RORA: variants seen among roughly 807,000 people sequenced by gnomAD.
RORA encodes the protein nuclear receptor ROR-alpha.
A neutral mutation model predicts 69.5 loss-of-function variants in RORA; 7 were observed. That is an observed-to-expected ratio of 0.10 (90% CI 0.06 to 0.19). RORA has a LOEUF of 0.19. RORA is among the 10% of genes least tolerant of loss of function. RORA has a pLI of 1.00. For missense variants in RORA, 457 were observed against 663.0 expected, an observed-to-expected ratio of 0.69 and a Z score of 3.41; for synonymous variants, 261 against 240.8, an observed-to-expected ratio of 1.08 and a Z score of -0.78.
At position 61,011,634 on chromosome 15, in the gene RORA, A is replaced by T. The variant is rs141507123; in HGVS notation, c.166+217419T>A. ...TTCCTACGCATTAAAAAAAAAAGGA[A>T]CATAAAAAGTATTAGCTATTTGACA... On this transcript the variant is annotated intron_variant, in intron 1 of 10. Coordinates refer to ENST00000335670, the MANE Select transcript of RORA (RefSeq NM_134261.3). Among the ~76,000 whole-genome samples, 7 of 152,282 alleles carry T rather than the reference A, an allele frequency of 4.6e-5. No homozygotes were observed. In the East Asian group the frequency reaches 1.4e-3, roughly 29 times the overall value.
intron 1 of RORA, among the ~76,000 whole-genome samples, chr15:61,162,420 C>A: frequency 6.6e-6 from 1 of 152,118 alleles, no homozygotes. Flanking sequence ...AAAGGCCACA[C>A]ACGAAAGCAC....
chr15:60,786,394 A>G (rs954429352), intron 1 of RORA, among the ~76,000 whole-genome samples: 2 of 152,232 alleles, frequency 1.3e-5, no homozygotes, highest in Non-Finnish European at 2.9e-5. Context: ...CACCTCCTTA[A>G]CCAACTCTAC....
At chr15:60,956,051 G>T (rs1055999932) in intron 1 of RORA, among the ~76,000 whole-genome samples, 1 of 152,134 alleles carries the variant, frequency 6.6e-6, no homozygotes, top group Admixed American at 6.5e-5. Context: ...TTCCTTTCTG[G>T]TTAGATAATT....
chr15:60,947,215 G>A (rs554820846), intron 1 of RORA, among the ~76,000 whole-genome samples: 5 of 152,196 alleles, frequency 3.3e-5, no homozygotes, highest in Non-Finnish European at 7.3e-5. Context: ...CATTGAGAAC[G>A]GGCCATGATG....
intron 1 of RORA, among the ~76,000 whole-genome samples, chr15:60,755,619 T>C (rs56336371): frequency 0.14 from 21,793 of 152,156 alleles, 1,930 homozygotes; most frequent in Middle Eastern, 0.21. Context: ...AAAGTGTTCC[T>C]ATTTCTCCAC....
At position 60,826,891 on chromosome 15, in the gene RORA, C is replaced by T. The variant is rs182719302; in HGVS notation, c.167-148205G>A. Among the ~76,000 whole-genome samples the T allele has an allele frequency of 1.6e-3, 239 of 151,986 alleles. 2 individuals are homozygous for T. Among genetic ancestry groups the T allele is most frequent in the African/African-American group, 5.5e-3 (227 of 41,408 alleles). ...TAGTTCCTAAACCCTAAGACAATCT[C>T]AGAAAGGGAAAGGTATATAATTGGA... is the stretch of plus-strand genomic sequence containing the variant. On this transcript the variant is annotated intron_variant, in intron 1 of 10. Transcript: ENST00000335670.
intron 1 of RORA, among the ~76,000 whole-genome samples, chr15:60,959,669 C>T (rs1294155350): frequency 6.6e-6 from 1 of 152,138 alleles, no homozygotes; most frequent in Non-Finnish European, 1.5e-5. Context: ...TCCTTCAAGT[C>T]ATCATTTCCA....
In RORA at chr15:61,213,680, T is replaced by C. The variant is rs559702869; in HGVS notation, c.166+15373A>G. On this transcript the variant is annotated intron_variant, in intron 1 of 10. Coordinates refer to ENST00000335670, the MANE Select transcript of RORA (RefSeq NM_134261.3). This position sits in a 1 kb window ranked among gnomAD's most constrained non-coding sequence, Gnocchi z 4.1. The stretch of plus-strand genomic sequence containing the variant: ...TTTCCCTAACTCCTCTCGGGGCATT[T>C]TCTCCTTCTTCTCTATGTTATAGGT... 6.6e-6 allele frequency: 1 copy of C among 152,320 alleles called. No homozygotes were observed. The highest frequency in any genetic ancestry group is 2.1e-4 in the South Asian group (1 of 4,824). The allele number at this position is 152,320 out of a possible 1,614,324, so 9.4% of individuals were successfully genotyped here.
intron 1 of RORA, among the ~76,000 whole-genome samples, chr15:61,224,323 C>T (rs2080126477): frequency 6.6e-6 from 1 of 152,164 alleles, no homozygotes; most frequent in Admixed American, 6.5e-5. Context: ...GGTGCGTTTC[C>T]TATAAATTTT....
At chr15:60,520,567 C>G (rs1413910505) in intron 3 of RORA, among the ~76,000 whole-genome samples, 3 of 152,050 alleles carry the variant, frequency 2.0e-5, no homozygotes, top group Admixed American at 6.5e-5. Flanking sequence ...TAGTGTGTTT[C>G]TAAGTACAGA....
chr15:61,091,817 G>A (rs539812597), intron 1 of RORA, among the ~76,000 whole-genome samples: 3 of 152,222 alleles, frequency 2.0e-5, no homozygotes, highest in East Asian at 1.9e-4. Flanking sequence ...GTATTCATAG[G>A]CAAGGGAAAA....
At chr15:61,210,479 T>C (rs1257918570) in intron 1 of RORA, among the ~76,000 whole-genome samples, 1 of 152,182 alleles carries the variant, frequency 6.6e-6, no homozygotes, top group East Asian at 1.9e-4. Context: ...ATACCTATTA[T>C]AACAGAATAA....
rs1418376920 is a variant in RORA, at chr15:61,229,036, CCTCTCCAGCCTCCT to C, written c.166+3_166+16del. 3 of 1,468,402 alleles carry C rather than the reference CCTCTCCAGCCTCCT, an allele frequency of 2.0e-6. No individual in the cohort carries two copies. Among genetic ancestry groups the C allele is most frequent in the Non-Finnish European group, 2.7e-6 (3 of 1,104,516 alleles). The allele number at this position is 1,468,402 out of a possible 1,614,324, so 91.0% of individuals were successfully genotyped here. A position where few individuals can be genotyped will look rare whatever the true frequency, so the allele number is the denominator to read the frequency against. On this transcript the variant is annotated splice_donor_5th_base_variant and intron_variant, in intron 1 of 10. Coordinates refer to ENST00000335670, the MANE Select transcript of RORA (RefSeq NM_134261.3). Reference sequence around the variant, plus strand: ...GGCTCCCGCCGCCCCCTCCCCAGCCCCTCTCCAGCCTCCTACCTCTGCTGGTGCTGGAATAGCTC... The same window carrying C: ...GGCTCCCGCCGCCCCCTCCCCAGCCCACCTCTGCTGGTGCTGGAATAGCTC...
chr15:60,791,862 C>G (rs1462115501), intron 1 of RORA, among the ~76,000 whole-genome samples: 3 of 152,096 alleles, frequency 2.0e-5, no homozygotes, highest in African/African-American at 7.2e-5. Context: ...TCTAGGGTCT[C>G]TGCAACAATC....
intron 1 of RORA, among the ~76,000 whole-genome samples, chr15:61,170,304 C>G (rs2079574209): frequency 6.6e-6 from 1 of 152,210 alleles, no homozygotes; most frequent in South Asian, 2.1e-4. Flanking sequence ...TTTCTACTTT[C>G]TGCAGGCCAC....
chr15:60,983,165 A>C (rs1395513916), intron 1 of RORA, among the ~76,000 whole-genome samples: 1 of 152,226 alleles, frequency 6.6e-6, no homozygotes, highest in Non-Finnish European at 1.5e-5. Flanking sequence ...GATAGGAAGG[A>C]ACCAGGAAAG....
rs146955276 is a variant in RORA, at chr15:61,175,905, T to C, written c.166+53148A>G. Among the ~76,000 whole-genome samples the C allele has an allele frequency of 5.6e-3, 848 of 152,224 alleles. 9 individuals carry two copies. Among genetic ancestry groups the C allele is most frequent in the Non-Finnish European group, 4.7e-3 (321 of 68,014 alleles). On this transcript the variant is annotated intron_variant, in intron 1 of 10. Transcript: ENST00000335670. ...AAAATGTCACAAGTTATTGTAGCAG[T>C]GAAACAATGAGGGCATACACAATGA...
chr15:61,221,692 G>A (rs551189759), intron 1 of RORA, among the ~76,000 whole-genome samples: 2 of 152,194 alleles, frequency 1.3e-5, no homozygotes, highest in South Asian at 4.2e-4. Context: ...TCAGTATTCA[G>A]CCAAACCCTC....
At chr15:60,705,020 C>G (rs1375527538) in intron 1 of RORA, among the ~76,000 whole-genome samples, 1 of 152,050 alleles carries the variant, frequency 6.6e-6, no homozygotes, top group East Asian at 1.9e-4. Context: ...CCCACAGAGG[C>G]ATTGCAGACG....
Sources: allele counts gnomAD v4.1 joint callset (sites outside exome capture counted in the v4.1 genomes callset), GRCh38; gene constraint gnomAD v4.1.1; non-coding constraint Gnocchi (gnomAD v3.1); transcripts MANE v1.5; gene names NCBI Gene and HGNC (gene_info 2026-07-23, HGNC 2026-07-21).